INPP4B: variants seen among roughly 807,000 people sequenced by gnomAD.
INPP4B encodes the protein inositol polyphosphate 4-phosphatase type II.
Under a neutral mutation model 122.5 loss-of-function variants are expected in INPP4B, and 55 were observed. The observed-to-expected ratio is 0.45, with a 90% CI of 0.36 to 0.56. The LOEUF is 0.56. Ranked by LOEUF, INPP4B falls within the 20% of genes least tolerant of loss-of-function variation. The probability of loss-of-function intolerance (pLI) is 0.00; values close to 1 mark genes in which losing one functional copy is unlikely to be tolerated. For missense variants in INPP4B, 1,000 were observed against 1,097.7 expected, an observed-to-expected ratio of 0.91 and a Z score of 1.26; for synonymous variants, 403 against 388.7, an observed-to-expected ratio of 1.04 and a Z score of -0.43.
chr4:142,785,937 C>G (rs1343069280), intron 1 of INPP4B, among the ~76,000 whole-genome samples: 1 of 151,992 alleles, frequency 6.6e-6, no homozygotes, highest in African/African-American at 2.4e-5. Flanking sequence ...GGAGGGGACA[C>G]CTTGCATTTA....
rs572092121 is a variant in INPP4B, at chr4:142,152,066, C to CTTT, written c.1564-6073_1564-6071dup. On this transcript the variant is annotated intron_variant, in intron 17 of 25. Transcript: ENST00000262992. ...TGCCTAACATGCTTTTTTGTCTTTT[C>CTTT]TTTTTTTTTTTTTTTTTTTTTTTTT... is the stretch of plus-strand genomic sequence containing the variant. Among the ~76,000 whole-genome samples, 49 of 69,942 alleles carry CTTT rather than the reference C, an allele frequency of 7.0e-4. 3 individuals are homozygous for CTTT. The highest frequency in any genetic ancestry group is 2.6e-3 in the African/African-American group (46 of 17,992). 45.9% of individuals were successfully genotyped at this position (69,942 alleles called of 152,430 possible).
chr4:142,415,512 G>T (rs1410990838), intron 5 of INPP4B, among the ~76,000 whole-genome samples: 1 of 152,016 alleles, frequency 6.6e-6, no homozygotes, highest in Non-Finnish European at 1.5e-5. Context: ...AACAGGTGCT[G>T]GAGAGGATGT....
intron 1 of INPP4B, among the ~76,000 whole-genome samples, chr4:142,841,366 A>C (rs1380063787): frequency 6.6e-6 from 1 of 151,994 alleles, no homozygotes; most frequent in African/African-American, 2.4e-5. Context: ...CTCATCTCTG[A>C]TCTTTTGGCT....
intron 2 of INPP4B, among the ~76,000 whole-genome samples, chr4:142,566,927 A>G (rs1477620464): frequency 1.3e-5 from 2 of 152,164 alleles, no homozygotes; most frequent in African/African-American, 4.8e-5. Context: ...GGCTTTATAT[A>G]GAAGTAAGGA....
intron 2 of INPP4B, among the ~76,000 whole-genome samples, chr4:142,653,228 T>C (rs923489159): frequency 1.3e-5 from 2 of 152,146 alleles, no homozygotes; most frequent in African/African-American, 2.4e-5. Flanking sequence ...GAATTTGAGA[T>C]GGATTAAAGA....
chr4:142,122,897 G>A (rs1007658537), intron 20 of INPP4B, among the ~76,000 whole-genome samples: 9 of 151,904 alleles, frequency 5.9e-5, no homozygotes, highest in African/African-American at 2.2e-4. Flanking sequence ...AATCTGGTAT[G>A]CATATCTAGT....
intron 3 of INPP4B, among the ~76,000 whole-genome samples, chr4:142,447,048 T>C (rs1813058988): frequency 1.3e-5 from 2 of 152,226 alleles, no homozygotes; most frequent in East Asian, 3.8e-4. Context: ...ATGTTTTAAA[T>C]AGTCATTATG....
intron 2 of INPP4B, among the ~76,000 whole-genome samples, chr4:142,554,195 A>AAAG (rs1428548374): frequency 6.9e-6 from 1 of 145,008 alleles, no homozygotes. Context: ...TCTCAAAAAA[A>AAAG]AAAAAAAAAA....
At chr4:142,530,374 A>T (rs1827448827) in intron 2 of INPP4B, among the ~76,000 whole-genome samples, 1 of 152,004 alleles carries the variant, frequency 6.6e-6, no homozygotes, top group Non-Finnish European at 1.5e-5. Flanking sequence ...TTAATTGAGC[A>T]TCTGTGAGGT....
At chr4:142,796,859 G>A (rs910869489) in intron 1 of INPP4B, among the ~76,000 whole-genome samples, 12 of 142,072 alleles carry the variant, frequency 8.4e-5, no homozygotes, top group Non-Finnish European at 3.0e-5. Flanking sequence ...AAACTGATGC[G>A]GAAAACAGAT....
At chr4:142,750,851 T>C (rs1198023441) in intron 1 of INPP4B, among the ~76,000 whole-genome samples, 1 of 151,890 alleles carries the variant, frequency 6.6e-6, no homozygotes, top group Non-Finnish European at 1.5e-5. Flanking sequence ...GAGGGGAGGG[T>C]TATGACCAAT....
intron 15 of INPP4B, among the ~76,000 whole-genome samples, chr4:142,189,438 A>C (rs557132292): frequency 6.6e-6 from 1 of 152,190 alleles, no homozygotes; most frequent in African/African-American, 2.4e-5. Context: ...AGAAAAGCAC[A>C]ATGTATTACA....
chr4:142,413,826 T>C (rs79060917), intron 5 of INPP4B, among the ~76,000 whole-genome samples: 1 of 152,148 alleles, frequency 6.6e-6, no homozygotes, highest in Non-Finnish European at 1.5e-5. Context: ...TGAGTTAATT[T>C]GTTTTCAATA....
chr4:142,773,877 C>G (rs1474234210), intron 1 of INPP4B, among the ~76,000 whole-genome samples: 1 of 151,144 alleles, frequency 6.6e-6, no homozygotes, highest in African/African-American at 2.5e-5. Context: ...GCCATCTGTT[C>G]CCATGGATAA....
chr4:142,119,122 C>T (rs764920930), intron 21 of INPP4B, among the ~76,000 whole-genome samples: 4 of 152,166 alleles, frequency 2.6e-5, no homozygotes, highest in East Asian at 1.9e-4. Context: ...GTTAGAATGG[C>T]GATCATTAAA....
chr4:142,090,225 G>A (rs1310713786), intron 23 of INPP4B, among the ~76,000 whole-genome samples: 1 of 152,056 alleles, frequency 6.6e-6, no homozygotes, highest in Non-Finnish European at 1.5e-5. Context: ...AGAATACACA[G>A]GCATGATGTC....
At chr4:142,471,780 G>A (rs1384872747) in intron 2 of INPP4B, among the ~76,000 whole-genome samples, 2 of 152,000 alleles carry the variant, frequency 1.3e-5, no homozygotes, top group African/African-American at 2.4e-5. Context: ...CCAAGCCTGA[G>A]CACCCGCAAT....
In INPP4B at chr4:142,663,522, CATTGTA is replaced by C. The variant is rs555972085; in HGVS notation, c.-191+62311_-191+62316del. Among the ~76,000 whole-genome samples the C allele has an allele frequency of 6.5e-3, 991 of 152,064 alleles. 3 individuals carry two copies. Among genetic ancestry groups the C allele is most frequent in the Non-Finnish European group, 0.011 (727 of 67,964 alleles). ...CATCTTTAAGAACTGTCTAAGTTGACATTGTAATGTAAGAAATGCATCTCTGTTTAG... is the reference window on the plus strand; with the variant it reads ...CATCTTTAAGAACTGTCTAAGTTGACATGTAAGAAATGCATCTCTGTTTAG... On this transcript the variant is annotated intron_variant, in intron 2 of 25. Transcript: ENST00000262992.
intron 1 of INPP4B, among the ~76,000 whole-genome samples, chr4:142,727,451 G>A (rs1312060285): frequency 2.6e-5 from 4 of 151,432 alleles, no homozygotes; most frequent in South Asian, 4.2e-4. Context: ...CAGTTTAGTG[G>A]AGGAAACACA....
Sources: allele counts gnomAD v4.1 joint callset (sites outside exome capture counted in the v4.1 genomes callset), GRCh38; gene constraint gnomAD v4.1.1; transcripts MANE v1.5; gene names NCBI Gene and HGNC (gene_info 2026-07-23, HGNC 2026-07-21).